Variants in GRIN3A observed in about 807,000 individuals in gnomAD.
GRIN3A encodes glutamate receptor ionotropic, NMDA 3A.
In GRIN3A, 47 loss-of-function variants were observed where a neutral mutation model predicts 92.4. The observed-to-expected ratio is 0.51, with a 90% CI of 0.40 to 0.65. The LOEUF is 0.65. Ranked by LOEUF, GRIN3A falls within the 30% of genes least tolerant of loss-of-function variation. The pLI, the probability that GRIN3A is intolerant of heterozygous loss-of-function variation, is 0.00. For missense variants in GRIN3A, 1,324 were observed against 1,393.1 expected (o/e 0.95, Z 0.79); for synonymous variants, 527 against 540.6 (o/e 0.97, Z 0.35).
rs1828582313 is a variant in GRIN3A at position 101,623,298 on chromosome 9, C to G, written c.2614+20G>C. 10 of 1,524,512 alleles carry G rather than the reference C, an allele frequency of 6.6e-6. No homozygotes were observed. Among genetic ancestry groups the G allele is most frequent in the East Asian group, 4.5e-5 (2 of 44,452 alleles). The allele number at this position is 1,524,512 out of a possible 1,614,324, so 94.4% of individuals were successfully genotyped here. ...GAGCACATCCTGAGTAAAAGTGAAT[C>G]AAGAGTGACTGATTAATACCTTCTA... On this transcript the variant is annotated intron_variant, in intron 5 of 8. Coordinates refer to ENST00000361820, the MANE Select transcript of GRIN3A (RefSeq NM_133445.3).
intron 1 of GRIN3A, among the ~76,000 whole-genome samples, chr9:101,710,122 A>G (rs1829860754): frequency 6.6e-6 from 1 of 152,166 alleles, no homozygotes; most frequent in Admixed American, 6.5e-5. Context: ...AAGTATGGAC[A>G]GTATCAGTTC....
chr9:101,634,473 A>T (rs1042652790), intron 3 of GRIN3A, among the ~76,000 whole-genome samples: 2 of 151,268 alleles, frequency 1.3e-5, no homozygotes, highest in Non-Finnish European at 2.9e-5. Flanking sequence ...ATTTTATAAT[A>T]TTTATTATAT....
chr9:101,700,241 G>A (rs149868210), intron 1 of GRIN3A, among the ~76,000 whole-genome samples: 26 of 152,282 alleles, frequency 1.7e-4, no homozygotes, highest in African/African-American at 5.3e-4. Flanking sequence ...ATGGGTAAAT[G>A]GTGATGTGTA....
chr9:101,733,645 G>T (rs1427083354), intron 1 of GRIN3A, among the ~76,000 whole-genome samples: 1 of 152,144 alleles, frequency 6.6e-6, no homozygotes, highest in Non-Finnish European at 1.5e-5. Flanking sequence ...GTACCCCTGT[G>T]CCATGCAAAA....
chr9:101,576,502 T>A (rs1159212838), intron 8 of GRIN3A, among the ~76,000 whole-genome samples: 1 of 152,228 alleles, frequency 6.6e-6, no homozygotes, highest in Non-Finnish European at 1.5e-5. Flanking sequence ...GAGAAAGATG[T>A]GAATATGAAT....
At chr9:101,696,087 G>A (rs191552491) in intron 1 of GRIN3A, among the ~76,000 whole-genome samples, 4 of 152,270 alleles carry the variant, frequency 2.6e-5, no homozygotes, top group Non-Finnish European at 5.9e-5. Flanking sequence ...TCTCATAGGC[G>A]AAATAGACCA....
chr9:101,573,659 C>T (rs1353370268), intron 8 of GRIN3A, 146 bp from the exon 9 acceptor site: 1 of 702,676 alleles, frequency 1.4e-6, no homozygotes, highest in Non-Finnish European at 2.5e-6. Context: ...AGACTACCTG[C>T]TAGGGTGTCA....
intron 1 of GRIN3A, among the ~76,000 whole-genome samples, chr9:101,698,521 A>G (rs957024556): frequency 2.6e-5 from 4 of 152,154 alleles, no homozygotes; most frequent in African/African-American, 9.7e-5. Context: ...GGCATAACCT[A>G]CTACACCCCT....
intron 3 of GRIN3A, among the ~76,000 whole-genome samples, chr9:101,635,748 C>A (rs1256475360): frequency 6.6e-6 from 1 of 152,166 alleles, no homozygotes; most frequent in Non-Finnish European, 1.5e-5. Flanking sequence ...AGACTCTGGT[C>A]ACAAAATTTC....
intron 3 of GRIN3A, among the ~76,000 whole-genome samples, chr9:101,645,737 A>G (rs1828929719): frequency 6.7e-6 from 1 of 148,186 alleles, no homozygotes; most frequent in Non-Finnish European, 1.5e-5. Context: ...TATATGTTAT[A>G]TATTACATAT....
At chr9:101,588,343 A>G (rs1827975192) in intron 6 of GRIN3A, among the ~76,000 whole-genome samples, 1 of 152,158 alleles carries the variant, frequency 6.6e-6, no homozygotes, top group South Asian at 2.1e-4. Context: ...TAGTGCTCAC[A>G]CATTTGGATA....
intron 6 of GRIN3A, among the ~76,000 whole-genome samples, chr9:101,604,256 AAGAC>A (rs1210081504): frequency 3.3e-5 from 5 of 152,220 alleles, no homozygotes; most frequent in African/African-American, 4.8e-5. Flanking sequence ...AAGGGAAAGA[AAGAC>A]AGGAAGAAAG....
At chr9:101,677,516 G>A (rs1330547571) in intron 2 of GRIN3A, among the ~76,000 whole-genome samples, 1 of 151,726 alleles carries the variant, frequency 6.6e-6, no homozygotes, top group Non-Finnish European at 1.5e-5. Context: ...ACTATTTGTC[G>A]CCATTCCAGC....
At chr9:101,687,395 A>G (rs1829553023) in intron 1 of GRIN3A, among the ~76,000 whole-genome samples, 195 bp from the exon 2 acceptor site, 1 of 152,118 alleles carries the variant, frequency 6.6e-6, no homozygotes, top group Admixed American at 6.5e-5. Flanking sequence ...CTGATTTCCT[A>G]ATAATTTTTG....
At chr9:101,590,346 CTATTTATTTATTT>C (rs1269267542) in intron 6 of GRIN3A, among the ~76,000 whole-genome samples, 3,277 of 143,414 alleles carry the variant, frequency 0.023, 59 homozygotes, top group Non-Finnish European at 0.034. Context: ...TAATGACACT[CTATTTATTTATTT>C]ATTTATTTAT....
At chr9:101,575,011 A>G (rs1827809282) in intron 8 of GRIN3A, among the ~76,000 whole-genome samples, 1 of 152,264 alleles carries the variant, frequency 6.6e-6, no homozygotes, top group Non-Finnish European at 1.5e-5. Context: ...AGTCTGGCTC[A>G]GATCAGCAAA....
intron 1 of GRIN3A, among the ~76,000 whole-genome samples, chr9:101,723,140 G>A (rs1430982705): frequency 6.6e-6 from 1 of 152,200 alleles, no homozygotes; most frequent in East Asian, 1.9e-4. Context: ...TCCAGAATTG[G>A]TGGGTTCTTG....
intron 8 of GRIN3A, among the ~76,000 whole-genome samples, chr9:101,576,718 C>G (rs12353519): frequency 0.49 from 74,917 of 151,884 alleles, 18,637 homozygotes; most frequent in East Asian, 0.67. Context: ...GTCACTAACA[C>G]ACTTGCAATA....
At chr9:101,674,635 A>G (rs1394936644) in intron 2 of GRIN3A, among the ~76,000 whole-genome samples, 1 of 152,100 alleles carries the variant, frequency 6.6e-6, no homozygotes, top group African/African-American at 2.4e-5. Flanking sequence ...GTGGGTATAA[A>G]AAAGTAACCT....
Sources: gnomAD v4.1 joint callset for allele counts (sites outside exome capture counted in the v4.1 genomes callset) on GRCh38, gnomAD v4.1.1 for gene constraint, MANE v1.5 for transcripts, NCBI Gene and HGNC (gene_info 2026-07-23, HGNC 2026-07-21) for gene names.